Variants in GALNT14 observed in about 807,000 individuals in gnomAD.
GALNT14 encodes UDP-GalNAc:polypeptide N-acetylgalactosaminyltransferase 14.
A neutral mutation model predicts 77.5 loss-of-function variants in GALNT14; 60 were observed. The observed-to-expected ratio is 0.77, with a 90% CI of 0.63 to 0.96. GALNT14 has a LOEUF of 0.96. Ranked by LOEUF, GALNT14 falls within the 40% of genes least tolerant of loss-of-function variation. GALNT14 has a pLI of 0.00. For synonymous variants in GALNT14, 280 were observed against 281.7 expected, an observed-to-expected ratio of 0.99 and a Z score of 0.06; for missense variants, 710 against 731.0, an observed-to-expected ratio of 0.97 and a Z score of 0.33.
intron 2 of GALNT14, among the ~76,000 whole-genome samples, chr2:30,984,538 A>G (rs968143375): frequency 6.6e-6 from 1 of 152,180 alleles, no homozygotes. Context: ...ACTTTGCCAC[A>G]ACATGTCCCC....
At chr2:30,918,247 G>T (rs911114104) in intron 13 of GALNT14, among the ~76,000 whole-genome samples, 1 of 152,132 alleles carries the variant, frequency 6.6e-6, no homozygotes, top group African/African-American at 2.4e-5. Context: ...GTACATCTTC[G>T]CTGGGTCATG....
At chr2:31,079,023 C>T (rs757639097) in intron 1 of GALNT14, 89 of 1,286,368 alleles carry the variant, frequency 6.9e-5, no homozygotes, top group South Asian at 5.6e-4. Context: ...GCATTCAGAA[C>T]GAAATGGGTA....
chr2:31,068,890 C>T (rs1471999220), intron 1 of GALNT14, among the ~76,000 whole-genome samples: 4 of 152,168 alleles, frequency 2.6e-5, no homozygotes, highest in Admixed American at 6.5e-5. Context: ...ATGAAAGAGG[C>T]CAGCCGCAAG....
At chr2:30,978,821 T>C (rs1437663396) in intron 2 of GALNT14, among the ~76,000 whole-genome samples, 1 of 152,188 alleles carries the variant, frequency 6.6e-6, no homozygotes, top group Non-Finnish European at 1.5e-5. Flanking sequence ...TGCTAGCTGC[T>C]CAGGGGCTTG....
chr2:31,121,057 C>T (rs1324729263), intron 1 of GALNT14, among the ~76,000 whole-genome samples: 1 of 152,180 alleles, frequency 6.6e-6, no homozygotes, highest in Non-Finnish European at 1.5e-5. Flanking sequence ...AGAATTCTTC[C>T]AGGCCCTGGT....
intron 3 of GALNT14, among the ~76,000 whole-genome samples, chr2:30,964,067 G>T (rs1191478550): frequency 6.6e-6 from 1 of 152,226 alleles, no homozygotes; most frequent in Admixed American, 6.5e-5. Flanking sequence ...CCCTGATGGG[G>T]TGCATGTGTG....
At chr2:31,002,838 C>T (rs545858136) in intron 1 of GALNT14, among the ~76,000 whole-genome samples, 121 of 152,284 alleles carry the variant, frequency 7.9e-4, no homozygotes, top group Admixed American at 3.1e-3. Context: ...CCCAGCCCTT[C>T]GCTTGCCTGG....
chr2:30,993,917 A>T lies in GALNT14; in HGVS notation c.130-910T>A, dbSNP rs567047620. ...CCTAGTGTGGGTCTGCCCTGCCCACACCGGTTCCACAGCCAACAGACTGTC... is the reference window on the plus strand; with the variant it reads ...CCTAGTGTGGGTCTGCCCTGCCCACTCCGGTTCCACAGCCAACAGACTGTC... On this transcript the variant is annotated intron_variant, in intron 1 of 14. Coordinates refer to ENST00000349752, the MANE Select transcript of GALNT14 (RefSeq NM_024572.4). 4.3e-4 allele frequency among the ~76,000 whole-genome samples: 66 copies of T among 152,288 alleles called. No homozygotes were observed. The South Asian group carries it at 8.9e-3, about 21-fold the overall frequency.
intron 14 of GALNT14, among the ~76,000 whole-genome samples, chr2:30,911,685 A>G (rs1255118451): frequency 1.3e-5 from 2 of 152,202 alleles, no homozygotes; most frequent in Non-Finnish European, 2.9e-5. Context: ...GAGAGGTCCA[A>G]TAACCTGCCA....
chr2:30,918,574 G>A (rs1347358688), intron 13 of GALNT14, among the ~76,000 whole-genome samples: 1 of 152,206 alleles, frequency 6.6e-6, no homozygotes, highest in African/African-American at 2.4e-5. Flanking sequence ...GGCAGGGATG[G>A]AGCCATTCCC....
At chr2:31,083,145 G>A (rs1472482370) in intron 1 of GALNT14, among the ~76,000 whole-genome samples, 3 of 152,210 alleles carry the variant, frequency 2.0e-5, no homozygotes, top group Non-Finnish European at 2.9e-5. Flanking sequence ...GGGGCATCCA[G>A]TGCTATCACT....
chr2:30,961,200 G>A (rs111529319), intron 3 of GALNT14, among the ~76,000 whole-genome samples: 147 of 152,350 alleles, frequency 9.6e-4, no homozygotes, highest in African/African-American at 3.3e-3. Context: ...AAAAGCAGGC[G>A]ATATTAATAC....
intron 1 of GALNT14, among the ~76,000 whole-genome samples, chr2:30,995,503 C>CT (rs1278908798): frequency 6.6e-6 from 1 of 152,012 alleles, no homozygotes; most frequent in Non-Finnish European, 1.5e-5. Flanking sequence ...CTTAATGTTT[C>CT]TTTTTTTAGA....
chr2:31,136,720 C>T (rs943092760), intron 1 of GALNT14, among the ~76,000 whole-genome samples: 6 of 152,172 alleles, frequency 3.9e-5, no homozygotes, highest in Non-Finnish European at 7.3e-5. Flanking sequence ...ACTGGAAACC[C>T]TGAGCGTGGA....
the GALNT14 span, among the ~76,000 whole-genome samples, chr2:30,897,997 A>C: frequency 1.3e-5 from 2 of 152,140 alleles, no homozygotes; most frequent in Non-Finnish European, 2.9e-5. Flanking sequence ...AATGAACTGA[A>C]GGTTTTTGTC....
At chr2:31,075,336 C>A (rs575505768) in intron 1 of GALNT14, among the ~76,000 whole-genome samples, 1 of 152,308 alleles carries the variant, frequency 6.6e-6, no homozygotes, top group South Asian at 2.1e-4. Context: ...CTCAGGTATT[C>A]CTTTAGAGAA....
chr2:31,068,419 G>A (rs1024557671), intron 1 of GALNT14, among the ~76,000 whole-genome samples: 9 of 150,144 alleles, frequency 6.0e-5, no homozygotes, highest in Non-Finnish European at 1.0e-4. Context: ...CCCAGCAGGC[G>A]AAGGTTGCAG....
intron 2 of GALNT14, among the ~76,000 whole-genome samples, chr2:30,977,415 C>T (rs774574315): frequency 1.2e-4 from 19 of 152,244 alleles, no homozygotes; most frequent in Middle Eastern, 3.4e-3. Flanking sequence ...TTATCTTGAA[C>T]GCTGCATGCT....
At chr2:30,904,894 T>TCCCTGAC in the GALNT14 span, among the ~76,000 whole-genome samples, 1 of 151,800 alleles carries the variant, frequency 6.6e-6, no homozygotes, top group Admixed American at 6.6e-5. Flanking sequence ...CTCAAGTGGG[T>TCCCTGAC]CCCTGACCCC....
Sources: allele counts gnomAD v4.1 joint callset (sites outside exome capture counted in the v4.1 genomes callset), GRCh38; gene constraint gnomAD v4.1.1; transcripts MANE v1.5; gene names NCBI Gene and HGNC (gene_info 2026-07-23, HGNC 2026-07-21).